The following PLB1 variants were observed in gnomAD, a reference collection of about 807,000 sequenced individuals.
The protein encoded by PLB1 is phospholipase B1.
In PLB1, 242 loss-of-function variants were observed where a neutral mutation model predicts 227.4. That is an observed-to-expected ratio of 1.06 (90% CI 0.96 to 1.18). The LOEUF (loss-of-function observed/expected upper bound fraction) is 1.18. Among genes scored for constraint, PLB1 ranks in the 50% most tolerant of loss-of-function variants. The pLI is 0.00. For missense variants in PLB1, 1,858 were observed against 1,816.3 expected (o/e 1.02, Z -0.42); for synonymous variants, 757 against 682.2 (o/e 1.11, Z -1.71).
rs542961619 is a variant in PLB1, at chr2:28,593,710, C to T, written c.2277C>T (p.Asp759=). 2.1e-4 allele frequency: 345 copies of T among 1,614,110 alleles called. 3 individuals carry two copies. In the South Asian group the frequency reaches 3.4e-3, roughly 16 times the overall value. Residue 759 remains aspartate, a synonymous_variant, in exon 33 of 58, where the codon GAC becomes GAT. Coordinates refer to ENST00000327757, the MANE Select transcript of PLB1 (RefSeq NM_153021.5). Reference sequence around the variant, plus strand: ...GCAATGGAATTGGCTCCAAACCAGACGACCTCCCCGATGTCACCACACAGT... The same window carrying T: ...GCAATGGAATTGGCTCCAAACCAGATGACCTCCCCGATGTCACCACACAGT... ...TAGNGIGSKP[D]DLPDVTTQYR...
intron 50 of PLB1, among the ~76,000 whole-genome samples, chr2:28,626,075 A>T (rs1169256831): frequency 2.0e-5 from 3 of 151,092 alleles, no homozygotes; most frequent in African/African-American, 7.3e-5. Flanking sequence ...AGCTCACTGC[A>T]GCATCTGCCT....
In PLB1 at chr2:28,529,790, G is replaced by A. The variant is rs201211449; in HGVS notation, c.468+11G>A. 16 of 1,613,804 alleles carry A rather than the reference G, an allele frequency of 9.9e-6. No homozygotes were observed. Among genetic ancestry groups the A allele is most frequent in the South Asian group, 4.4e-5 (4 of 91,066 alleles). On this transcript the variant is annotated intron_variant, in intron 8 of 57. Coordinates refer to ENST00000327757, the MANE Select transcript of PLB1 (RefSeq NM_153021.5). ...ATGAAAGAGAACCTGGTAAGCATCC[G>A]TCCAACTCTGGCATGGCTGGGCTGC...
At chr2:28,597,136 T>C (rs374596567) in intron 33 of PLB1, among the ~76,000 whole-genome samples, 3,997 of 151,392 alleles carry the variant, frequency 0.026, 101 homozygotes, top group African/African-American at 0.067. Context: ...TGGTGGCGGG[T>C]ACCTGTAGTC....
rs1343688610 is a variant in PLB1 at position 28,525,277 on chromosome 2, C to A, written c.254C>A (p.Pro85Gln). The A allele has an allele frequency of 6.2e-7, 1 of 1,613,600 alleles. No individual in the cohort carries two copies. Among genetic ancestry groups the A allele is most frequent in the Non-Finnish European group, 8.5e-7 (1 of 1,179,940 alleles). Reference sequence around the variant, plus strand: ...GAGTATCTATTCCAGCCTCCAGACCCAGGGACGGGCGATCTGGAGAAGCAA... The same window carrying A: ...GAGTATCTATTCCAGCCTCCAGACCAAGGGACGGGCGATCTGGAGAAGCAA... ...AIGNLEIPPD[P>Q]GTGDLEKQDW... The change falls in exon 5 of 58, where the codon CCA becomes CAA. Residue 85 changes from proline (P) to glutamine (Q), a missense_variant. Pro to Gln is a moderately conservative substitution (Grantham distance 76). Coordinates refer to ENST00000327757, the MANE Select transcript of PLB1 (RefSeq NM_153021.5).
intron 3 of PLB1, 98 bp downstream of exon 3, chr2:28,518,630 C>G: frequency 1.2e-6 from 1 of 820,612 alleles, no homozygotes; most frequent in Non-Finnish European, 2.1e-6. Flanking sequence ...CCTGTTGCCC[C>G]TTCAAGTCCT....
At chr2:28,601,193 G>T in intron 36 of PLB1, 59 bp from the exon 37 acceptor site, 1 of 1,394,062 alleles carries the variant, frequency 7.2e-7, no homozygotes, top group South Asian at 1.2e-5. Context: ...ATTTCCTAGG[G>T]CAGGGATATT....
intron 17 of PLB1, among the ~76,000 whole-genome samples, chr2:28,557,415 C>T (rs17741386): frequency 0.18 from 28,124 of 152,094 alleles, 2,790 homozygotes; most frequent in Middle Eastern, 0.25. Flanking sequence ...TAAAATCAGA[C>T]GGCAAATAGG....
rs57277349 is a variant in PLB1 at position 28,555,863 on chromosome 2, C to CTT, written c.1147+2889_1147+2890dup. Among the ~76,000 whole-genome samples, 587 of 128,180 alleles carry CTT rather than the reference C, an allele frequency of 4.6e-3. 5 individuals are homozygous for CTT. Among genetic ancestry groups the CTT allele is most frequent in the Non-Finnish European group, 5.8e-3 (356 of 61,814 alleles). 84.1% of individuals were successfully genotyped at this position (128,180 alleles called of 152,430 possible). On this transcript the variant is annotated intron_variant, in intron 17 of 57. Coordinates refer to ENST00000327757, the MANE Select transcript of PLB1 (RefSeq NM_153021.5). ...GCATTTTGCCTTCAAAGTTACTTTC[C>CTT]TTTTTTTTTTTTTTTTTTCTTTTTT...
chr2:28,550,173 T>G (rs973865755), intron 16 of PLB1, 89 bp downstream of exon 16: 28 of 998,906 alleles, frequency 2.8e-5, no homozygotes, highest in Non-Finnish European at 3.8e-5. Context: ...CCACGTGGTT[T>G]TTTTTTTTTT....
At chr2:28,502,352 C>T (rs188534516) in intron 1 of PLB1, among the ~76,000 whole-genome samples, 41 of 152,232 alleles carry the variant, frequency 2.7e-4, no homozygotes, top group African/African-American at 9.9e-4. Flanking sequence ...ACATACATAA[C>T]ATATGTATAT....
intron 20 of PLB1, among the ~76,000 whole-genome samples, chr2:28,569,151 C>G (rs561368402): frequency 2.0e-4 from 30 of 152,178 alleles, no homozygotes; most frequent in Admixed American, 5.9e-4. Context: ...GCCCTAAAGT[C>G]CTGGCTGCTA....
At chr2:28,520,688 A>T (rs1669413809) in intron 4 of PLB1, among the ~76,000 whole-genome samples, 2 of 152,116 alleles carry the variant, frequency 1.3e-5, no homozygotes, top group South Asian at 4.1e-4. Flanking sequence ...TATAAGTGAA[A>T]TTGGCCAGGT....
chr2:28,532,218 A>G (rs764642863), intron 9 of PLB1, 24 bp downstream of exon 9: 8 of 1,574,028 alleles, frequency 5.1e-6, no homozygotes, highest in Non-Finnish European at 7.0e-6. Flanking sequence ...TTGGGGACCA[A>G]GGGATTACAG....
At chr2:28,576,716 C>T (rs150826261) in intron 21 of PLB1, among the ~76,000 whole-genome samples, 19 of 152,096 alleles carry the variant, frequency 1.2e-4, no homozygotes, top group African/African-American at 2.2e-4. Flanking sequence ...GGCGATAGCA[C>T]GAGACTCAGT....
intron 43 of PLB1, among the ~76,000 whole-genome samples, chr2:28,608,392 G>A (rs950347861): frequency 6.6e-6 from 1 of 152,198 alleles, no homozygotes; most frequent in African/African-American, 2.4e-5. Context: ...TCTAAACATA[G>A]AGGCAACAGG....
intron 33 of PLB1, chr2:28,595,953 A>G (rs528415601): frequency 6.6e-6 from 1 of 152,290 alleles, no homozygotes; most frequent in East Asian, 1.9e-4. Flanking sequence ...GGCCAGCTTA[A>G]CAATGTGCTG....
Position 28,565,275 on chromosome 2 carries a change from C to T in PLB1, c.1207-5C>T. ...GAAACTCACCCCCTCATTGTTCCCT[C>T]TCAGGCAGGCAATGGGGCCGGGTCC... is the stretch of plus-strand genomic sequence containing the variant. On this transcript the variant is annotated splice_region_variant and splice_polypyrimidine_tract_variant and intron_variant, in intron 18 of 57. Coordinates refer to ENST00000327757, the MANE Select transcript of PLB1 (RefSeq NM_153021.5). 6.2e-7 allele frequency: 1 copy of T among 1,610,370 alleles called. No homozygotes were observed. The highest frequency in any genetic ancestry group is 8.5e-7 in the Non-Finnish European group (1 of 1,178,410).
chr2:28,574,676 C>T (rs1678629627), intron 21 of PLB1, among the ~76,000 whole-genome samples: 2 of 151,586 alleles, frequency 1.3e-5, no homozygotes, highest in African/African-American at 4.9e-5. Flanking sequence ...GGATTACAGG[C>T]ATGAGCCACC....
chr2:28,578,145 TGAA>T lies in PLB1; in HGVS notation c.1476_1478del (p.Lys492del), dbSNP rs1162930345. 2 of 1,614,076 alleles carry T rather than the reference TGAA, an allele frequency of 1.2e-6. No homozygotes were observed. The highest frequency in any genetic ancestry group is 2.2e-5 in the South Asian group (2 of 91,062). On this transcript the variant is annotated inframe_deletion, in exon 22 of 58. Transcript: ENST00000327757. Reference sequence around the variant, plus strand: ...CAGGCCAGGAGGCTGGTGGACCTGATGAAGAATGACACGGTGGGTCCCTGGGAT... The same window carrying T: ...CAGGCCAGGAGGCTGGTGGACCTGATGAATGACACGGTGGGTCCCTGGGAT...
Sources: gnomAD v4.1 joint callset for allele counts (sites outside exome capture counted in the v4.1 genomes callset) on GRCh38, gnomAD v4.1.1 for gene constraint, MANE v1.5 for transcripts, NCBI Gene and HGNC (gene_info 2026-07-23, HGNC 2026-07-21) for gene names.